The following CDCP1 variants were observed in gnomAD, a reference collection of about 807,000 sequenced individuals.
CDCP1 encodes CUB domain-containing protein 1.
In CDCP1, 29 loss-of-function variants were observed where a neutral mutation model predicts 60.2. The observed-to-expected ratio is 0.48, with a 90% CI of 0.36 to 0.66. CDCP1 has a LOEUF of 0.66. Ranked by LOEUF, CDCP1 falls within the 30% of genes least tolerant of loss-of-function variation. CDCP1 has a pLI of 0.00. For synonymous variants in CDCP1, 387 were observed against 431.1 expected (o/e 0.90, Z 1.27); for missense variants, 876 against 1,074.3 (o/e 0.82, Z 2.58).
At chr3:45,088,970 A>G (rs1698245512) in intron 8 of CDCP1, 84 bp downstream of exon 8, 1 of 1,108,184 alleles carries the variant, frequency 9.0e-7, no homozygotes, top group East Asian at 2.4e-5. Flanking sequence ...GCAAGAAAAC[A>G]AAGTCAATAA....
Position 45,118,572 on chromosome 3 carries a change from T to C in CDCP1, c.132A>G (p.Ile44Met), listed in dbSNP as rs761192073. The change falls in exon 2 of 9, where the codon ATA becomes ATG. Residue 44 changes from isoleucine to methionine, a missense_variant. Physicochemically the swap from Ile to Met is conservative, Grantham distance 10 (BLOSUM62 1). This residue lies in a region of CDCP1 where 150 missense variants were observed against 138.6 expected (regional missense o/e 1.08). Coordinates refer to ENST00000296129, the MANE Select transcript of CDCP1 (RefSeq NM_022842.5). ...CCAGCAGAGTCGGGGTCCCCAGCTT[T>C]ATGAGAACTGTAATGTTGCTTTCTC... ...LPRESNITVL[I>M]KLGTPTLLAK... 2 of 1,614,016 alleles carry C rather than the reference T, an allele frequency of 1.2e-6. No individual in the cohort carries two copies.
At chr3:45,120,571 C>T (rs1438403593) in intron 1 of CDCP1, among the ~76,000 whole-genome samples, 1 of 152,204 alleles carries the variant, frequency 6.6e-6, no homozygotes, top group Non-Finnish European at 1.5e-5. Flanking sequence ...TTCCCAACTA[C>T]TGCTCAGAAA....
At chr3:45,118,728 T>TTC (rs1698835009) in intron 1 of CDCP1, 107 bp from the exon 2 acceptor site, 2 of 807,694 alleles carry the variant, frequency 2.5e-6, no homozygotes, top group South Asian at 3.3e-5. Context: ...ATGACAACTT[T>TTC]GTTCCTTCCC....
intron 1 of CDCP1, among the ~76,000 whole-genome samples, chr3:45,145,097 G>C (rs1202493590): frequency 6.6e-6 from 1 of 152,112 alleles, no homozygotes; most frequent in Non-Finnish European, 1.5e-5. Context: ...GAATGAACCA[G>C]GAAGTATTCC....
chr3:45,090,485 C>T (rs941550592), intron 7 of CDCP1, among the ~76,000 whole-genome samples: 2 of 152,150 alleles, frequency 1.3e-5, no homozygotes, highest in Non-Finnish European at 2.9e-5. Context: ...CTTTTCAGGT[C>T]CCCATATTTT....
chr3:45,091,145 T>C lies in CDCP1; in HGVS notation c.1993+28A>G, dbSNP rs1879240. 0.36 allele frequency: 577,723 copies of C among 1,586,288 alleles called. 107,634 individuals are homozygous for C. Among genetic ancestry groups the C allele is most frequent in the Middle Eastern group, 0.45 (2,621 of 5,770 alleles). On this transcript the variant is annotated intron_variant, in intron 7 of 8. Transcript: ENST00000296129. This position sits in a 1 kb window ranked among gnomAD's most constrained non-coding sequence, Gnocchi z 4.8. ...CAGCTGACAATTTTTTGTTCATCAC[T>C]GTCCCCAAAGACCCTGAAGGCCCTT... is the stretch of plus-strand genomic sequence containing the variant.
chr3:45,095,674 G>A lies in CDCP1; in HGVS notation c.1025-106C>T, dbSNP rs139510836. On this transcript the variant is annotated intron_variant, in intron 4 of 8. Transcript: ENST00000296129. ...TCCTGAGGAAGAAAATGGCATATCAGACCATGGATGGATAATGTTGGGAAA... is the reference window on the plus strand; with the variant it reads ...TCCTGAGGAAGAAAATGGCATATCAAACCATGGATGGATAATGTTGGGAAA... The A allele has an allele frequency of 5.0e-6, 4 of 795,356 alleles. No individual in the cohort carries two copies. In the African/African-American group the frequency reaches 6.8e-5, roughly 14 times the overall value. 49.3% of individuals were successfully genotyped at this position (795,356 alleles called of 1,614,324 possible).
chr3:45,115,966 T>G (rs1356344527), intron 2 of CDCP1, among the ~76,000 whole-genome samples: 1 of 152,210 alleles, frequency 6.6e-6, no homozygotes, highest in Non-Finnish European at 1.5e-5. Flanking sequence ...GAATTTTATA[T>G]TTTGCTTCGT....
At chr3:45,109,807 T>C (rs1698657580) in intron 4 of CDCP1, among the ~76,000 whole-genome samples, 1 of 152,124 alleles carries the variant, frequency 6.6e-6, no homozygotes, top group Non-Finnish European at 1.5e-5. Flanking sequence ...TCCGCTTTTC[T>C]ATGTTCATGG....
rs114803974 is a variant in CDCP1, at chr3:45,118,353, C to T, written c.292+59G>A. 1,385 of 1,228,552 alleles carry T rather than the reference C, an allele frequency of 1.1e-3. 8 individuals carry two copies. In the African/African-American group the frequency reaches 0.016, roughly 14 times the overall value. The allele number at this position is 1,228,552 out of a possible 1,614,324, so 76.1% of individuals were successfully genotyped here. A position where few individuals can be genotyped will look rare whatever the true frequency, so the allele number is the denominator to read the frequency against. On this transcript the variant is annotated intron_variant, in intron 2 of 8. Transcript: ENST00000296129. ...ACTGACTTAGCATGGGAAAGACAGT[C>T]AGGGAGGTGTAGAGACATTTAAAAG...
At chr3:45,086,834 C>A (rs1028739280) in intron 8 of CDCP1, among the ~76,000 whole-genome samples, 1 of 152,250 alleles carries the variant, frequency 6.6e-6, no homozygotes, top group Non-Finnish European at 1.5e-5. Flanking sequence ...TCTTTGTGAA[C>A]CAAACAGCAG....
At chr3:45,099,171 C>A (rs55706162) in intron 4 of CDCP1, among the ~76,000 whole-genome samples, 3 of 150,860 alleles carry the variant, frequency 2.0e-5, no homozygotes, top group Non-Finnish European at 4.4e-5. Flanking sequence ...GGATTACAGC[C>A]TTCAGGTGCT....
chr3:45,142,174 C>A (rs1376687129), intron 1 of CDCP1, among the ~76,000 whole-genome samples: 1 of 152,060 alleles, frequency 6.6e-6, no homozygotes, highest in Non-Finnish European at 1.5e-5. Context: ...AGAACCCTAG[C>A]CACTGGTCCC....
chr3:45,143,650 T>A (rs1699333647), intron 1 of CDCP1, among the ~76,000 whole-genome samples: 1 of 152,262 alleles, frequency 6.6e-6, no homozygotes, highest in African/African-American at 2.4e-5. Flanking sequence ...AATAACTATA[T>A]GCTACTTAAA....
intron 4 of CDCP1, among the ~76,000 whole-genome samples, chr3:45,100,817 G>A (rs1163156819): frequency 2.0e-5 from 3 of 152,162 alleles, no homozygotes; most frequent in African/African-American, 7.2e-5. Context: ...ACCAGAATGT[G>A]AACTTCATGG....
At chr3:45,110,964 GT>G (rs1426749234) in intron 3 of CDCP1, 123 bp from the exon 4 acceptor site, 11 of 1,058,116 alleles carry the variant, frequency 1.0e-5, no homozygotes, top group Non-Finnish European at 1.2e-5. Flanking sequence ...TGAGCAGTGG[GT>G]CTAGATACTG....
chr3:45,141,918 G>A (rs577988813), intron 1 of CDCP1, among the ~76,000 whole-genome samples: 2 of 152,034 alleles, frequency 1.3e-5, no homozygotes, highest in East Asian at 3.9e-4. Context: ...TCCAACCTCT[G>A]CCCCCCGGGT....
rs1698164630 is a variant in CDCP1 at position 45,084,980 on chromosome 3, A to AT, written c.*657dup. The AT allele has an allele frequency of 6.6e-6, 1 of 152,644 alleles. No individual in the cohort carries two copies. Among genetic ancestry groups the AT allele is most frequent in the Non-Finnish European group, 1.5e-5 (1 of 68,064 alleles). 9.5% of individuals were successfully genotyped at this position (152,644 alleles called of 1,614,324 possible). On this transcript the variant is annotated 3_prime_UTR_variant, in exon 9 of 9. Coordinates refer to ENST00000296129, the MANE Select transcript of CDCP1 (RefSeq NM_022842.5). Reference sequence around the variant, plus strand: ...ATCAGGAAGTCTCTTATCAAAGCAGATATGTGTCAATGCTGCTCAAACACA... The same window carrying AT: ...ATCAGGAAGTCTCTTATCAAAGCAGATTATGTGTCAATGCTGCTCAAACACA...
intron 1 of CDCP1, among the ~76,000 whole-genome samples, chr3:45,122,166 C>T (rs1414039424): frequency 4.4e-5 from 6 of 137,064 alleles, no homozygotes; most frequent in East Asian, 2.1e-4. Flanking sequence ...TTTTTTGAGA[C>T]GGAATCTCAC....
Sources: gnomAD v4.1 joint callset for allele counts (sites outside exome capture counted in the v4.1 genomes callset) on GRCh38, gnomAD v4.1.1 for gene constraint, gnomAD v4.1.1 regional missense constraint, Gnocchi (gnomAD v3.1) non-coding constraint, MANE v1.5 for transcripts, NCBI Gene and HGNC (gene_info 2026-07-23, HGNC 2026-07-21) for gene names.